Variants in FXYD5 observed in about 807,000 individuals in gnomAD.
FXYD5 encodes the protein FXYD domain containing ion transport regulator 5, also known as FXYD domain-containing ion transport regulator 5.
FXYD5 carries 21 observed loss-of-function variants against 25.7 expected under a neutral mutation model. The ratio of observed to expected loss-of-function variants is 0.82; its 90% CI spans 0.58 to 1.18. The LOEUF (loss-of-function observed/expected upper bound fraction) is 1.18. FXYD5 is among the 50% of genes most tolerant of loss of function. The pLI is 0.00. For missense variants in FXYD5, 229 were observed against 227.7 expected, an observed-to-expected ratio of 1.01 and a Z score of -0.04; for synonymous variants, 101 against 90.7, an observed-to-expected ratio of 1.11 and a Z score of -0.64.
chr19:35,166,464 A>G lies in FXYD5; in HGVS notation c.487+139A>G, dbSNP rs774069675. The G allele has an allele frequency of 1.8e-5, 11 of 610,572 alleles. No individual in the cohort carries two copies. The African/African-American group carries it at 2.0e-4, about 11-fold the overall frequency. The allele number at this position is 610,572 out of a possible 1,614,324, so 37.8% of individuals were successfully genotyped here. ...GCTGCATATACATACAAACCACCAC[A>G]GAATTCAGTGGTTTAAAATAATGAC... On this transcript the variant is annotated intron_variant, in intron 8 of 8. Transcript: ENST00000392219.
chr19:35,165,242 A>G (rs1003439840), intron 6 of FXYD5, among the ~76,000 whole-genome samples: 2 of 152,240 alleles, frequency 1.3e-5, no homozygotes, highest in African/African-American at 4.8e-5. Context: ...GAGCAGCCCC[A>G]CAGGCTGCTG....
At chr19:35,163,927 T>G in intron 5 of FXYD5, 1 of 1,362,854 alleles carries the variant, frequency 7.3e-7, no homozygotes, top group Non-Finnish European at 9.7e-7. Context: ...CCCTCGGGGA[T>G]TGAGGCAGAT....
chr19:35,162,769 A>G (rs1214826656), intron 5 of FXYD5, among the ~76,000 whole-genome samples: 2 of 152,206 alleles, frequency 1.3e-5, no homozygotes, highest in Non-Finnish European at 2.9e-5. Flanking sequence ...CAAAGGTCTC[A>G]GGGAAGGACC....
chr19:35,157,657 T>A, intron 3 of FXYD5, 156 bp downstream of exon 3: 1 of 539,192 alleles, frequency 1.9e-6, no homozygotes. Context: ...GGTGCTCAAA[T>A]GATGCTATCA....
At chr19:35,155,310 T>G in intron 1 of FXYD5, 2 of 576,982 alleles carry the variant, frequency 3.5e-6, no homozygotes, top group East Asian at 2.9e-5. Context: ...GGAAGACCCA[T>G]TTATCTCATG....
chr19:35,156,935 C>G (rs894660497), intron 2 of FXYD5: 1 of 155,140 alleles, frequency 6.4e-6, no homozygotes, highest in Non-Finnish European at 1.4e-5. Flanking sequence ...GAGGCAGGAC[C>G]AGGATGGGGG....
chr19:35,168,953 C>G (rs1019153048), intron 8 of FXYD5, among the ~76,000 whole-genome samples: 1 of 151,972 alleles, frequency 6.6e-6, no homozygotes, highest in African/African-American at 2.4e-5. Flanking sequence ...ATCCCAGCTA[C>G]TCGGGAGGCT....
intron 3 of FXYD5, 158 bp downstream of exon 3, chr19:35,157,659 A>C: frequency 1.9e-6 from 1 of 533,150 alleles, no homozygotes; most frequent in South Asian, 2.0e-5. Flanking sequence ...TGCTCAAATG[A>C]TGCTATCAGA....
At chr19:35,167,273 A>T (rs1352091983) in intron 8 of FXYD5, among the ~76,000 whole-genome samples, 1 of 152,182 alleles carries the variant, frequency 6.6e-6, no homozygotes, top group Non-Finnish European at 1.5e-5. Context: ...GTTATCCCCC[A>T]GCCTGAGGGA....
chr19:35,155,961 T>C (rs1041524818), intron 2 of FXYD5, among the ~76,000 whole-genome samples: 3 of 152,228 alleles, frequency 2.0e-5, no homozygotes, highest in African/African-American at 7.2e-5. Context: ...CCCCAGGCAT[T>C]ACACAGTTAG....
intron 4 of FXYD5, chr19:35,159,723 T>C: frequency 7.0e-7 from 1 of 1,423,944 alleles, no homozygotes; most frequent in Non-Finnish European, 9.3e-7. Flanking sequence ...ACGCAAACCC[T>C]AAGAGGCAGA....
chr19:35,166,471 A>G (rs1431681779), intron 8 of FXYD5, 146 bp downstream of exon 8: 2 of 591,774 alleles, frequency 3.4e-6, no homozygotes, highest in South Asian at 2.2e-5. Context: ...CACAGAATTC[A>G]GTGGTTTAAA....
chr19:35,155,430 G>T lies in FXYD5; in HGVS notation c.1-121G>T. 6.3e-6 allele frequency: 5 copies of T among 798,134 alleles called. No homozygotes were observed. In the South Asian group the frequency reaches 7.1e-5, roughly 11 times the overall value. The allele number at this position is 798,134 out of a possible 1,614,324, so 49.4% of individuals were successfully genotyped here. A position where few individuals can be genotyped will look rare whatever the true frequency, so the allele number is the denominator to read the frequency against. On this transcript the variant is annotated intron_variant, in intron 1 of 8. Transcript: ENST00000392219. ...GAGGCCAGCCGTCAGCCCCTGGCAG[G>T]GGGTCTTGGAAGCCAGAGGTTTTTG...
At chr19:35,167,226 T>C (rs1218073820) in intron 8 of FXYD5, among the ~76,000 whole-genome samples, 2 of 152,168 alleles carry the variant, frequency 1.3e-5, no homozygotes, top group African/African-American at 4.8e-5. Context: ...GGCAATGAGA[T>C]GGTGCAGTGC....
At chr19:35,164,852 C>T (rs184557945) in intron 6 of FXYD5, among the ~76,000 whole-genome samples, 2 of 152,254 alleles carry the variant, frequency 1.3e-5, no homozygotes, top group African/African-American at 4.8e-5. Flanking sequence ...GTAAGAGAAA[C>T]ACAACAAGAA....
chr19:35,157,999 C>T (rs1038758143), intron 3 of FXYD5, among the ~76,000 whole-genome samples: 1 of 152,124 alleles, frequency 6.6e-6, no homozygotes, highest in Non-Finnish European at 1.5e-5. Context: ...GAAGGATGGT[C>T]CCTAAAGGAA....
chr19:35,159,441 G>A (rs2065385547), intron 4 of FXYD5: 2 of 1,526,262 alleles, frequency 1.3e-6, no homozygotes, highest in Non-Finnish European at 1.8e-6. Context: ...TCGTGCAGTC[G>A]TATGTTTGGA....
chr19:35,164,235 C>T lies in FXYD5; in HGVS notation c.372C>T (p.Leu124=). The T allele has an allele frequency of 3.1e-6, 5 of 1,611,714 alleles. No individual in the cohort carries two copies. The South Asian group carries it at 4.4e-5, about 14-fold the overall frequency. ...STDVQTDPQT[L]KPSGFHEDDP... is the part of the protein sequence containing the mutation. ...ACGTCCAGACAGACCCCCAGACCCTCAAGCCATCTGGTTAGTAACTGCCTC... is the reference window on the plus strand; with the variant it reads ...ACGTCCAGACAGACCCCCAGACCCTTAAGCCATCTGGTTAGTAACTGCCTC... The change falls in exon 6 of 9, where the codon CTC becomes CTT. Residue 124 remains leucine (L), a synonymous_variant. Coordinates refer to ENST00000392219, the MANE Select transcript of FXYD5 (RefSeq NM_014164.6).
intron 6 of FXYD5, among the ~76,000 whole-genome samples, 185 bp downstream of exon 6, chr19:35,164,430 T>A (rs1271252328): frequency 6.6e-6 from 1 of 152,204 alleles, no homozygotes; most frequent in Non-Finnish European, 1.5e-5. Flanking sequence ...AATGCATAAA[T>A]TATTGCTGCA....
Sources: allele counts gnomAD v4.1 joint callset (sites outside exome capture counted in the v4.1 genomes callset), GRCh38; gene constraint gnomAD v4.1.1; transcripts MANE v1.5; gene names NCBI Gene and HGNC (gene_info 2026-07-23, HGNC 2026-07-21).